The following TMEM135 variants were observed in gnomAD, a reference collection of about 807,000 sequenced individuals.
TMEM135 encodes peroxisomal membrane protein 52.
Under a neutral mutation model 60.3 loss-of-function variants are expected in TMEM135, and 30 were observed. That is an observed-to-expected ratio of 0.50 (90% CI 0.37 to 0.68). The LOEUF (loss-of-function observed/expected upper bound fraction) is 0.68, where lower values mean the gene tolerates loss of function less well. TMEM135 is among the 30% of genes least tolerant of loss of function. The pLI is 0.00. For missense variants in TMEM135, 468 were observed against 548.8 expected (o/e 0.85, Z 1.47); for synonymous variants, 190 against 186.7 (o/e 1.02, Z -0.14).
intron 3 of TMEM135, among the ~76,000 whole-genome samples, chr11:87,091,017 T>C (rs1231527619): frequency 6.6e-6 from 1 of 152,074 alleles, no homozygotes; most frequent in Non-Finnish European, 1.5e-5. Flanking sequence ...GAATTCTTTA[T>C]TACAAAATTT....
chr11:87,096,645 T>C (rs1250979363), intron 4 of TMEM135: 1 of 152,260 alleles, frequency 6.6e-6, no homozygotes, highest in Non-Finnish European at 1.5e-5. Flanking sequence ...AAAAATTTTC[T>C]GTAGTACAGT....
At chr11:87,053,773 G>A (rs1016556404) in intron 1 of TMEM135, among the ~76,000 whole-genome samples, 1 of 152,196 alleles carries the variant, frequency 6.6e-6, no homozygotes, top group Admixed American at 6.5e-5. Context: ...ACATAATATA[G>A]TACTGTATTA....
intron 2 of TMEM135, among the ~76,000 whole-genome samples, chr11:87,068,991 T>C (rs1856720774): frequency 6.6e-6 from 1 of 151,752 alleles, no homozygotes; most frequent in Admixed American, 6.6e-5. Context: ...GAACTCTCTT[T>C]ATCATGTGCT....
At chr11:87,140,411 C>T (rs545308848) in intron 4 of TMEM135, among the ~76,000 whole-genome samples, 4 of 152,150 alleles carry the variant, frequency 2.6e-5, no homozygotes, top group Non-Finnish European at 5.9e-5. Context: ...CATGGGCAAA[C>T]AATTTGACTG....
At chr11:87,308,910 A>G (rs556799007) in intron 9 of TMEM135, among the ~76,000 whole-genome samples, 1 of 152,332 alleles carries the variant, frequency 6.6e-6, no homozygotes, top group South Asian at 2.1e-4. Context: ...TATACTTTAA[A>G]GCTACTCCTC....
At chr11:87,278,621 G>A (rs1472175186) in intron 6 of TMEM135, among the ~76,000 whole-genome samples, 3 of 152,066 alleles carry the variant, frequency 2.0e-5, no homozygotes, top group Admixed American at 1.3e-4. Flanking sequence ...TGATCTGCCC[G>A]ATTCGGTCTC....
chr11:87,214,317 T>C (rs1169958656), intron 5 of TMEM135, among the ~76,000 whole-genome samples: 2 of 152,186 alleles, frequency 1.3e-5, no homozygotes, highest in Non-Finnish European at 2.9e-5. Flanking sequence ...ACCTTGCCAG[T>C]GCAAAGCAGC....
chr11:87,214,252 A>T (rs1940447545), intron 5 of TMEM135, among the ~76,000 whole-genome samples: 1 of 152,208 alleles, frequency 6.6e-6, no homozygotes, highest in Non-Finnish European at 1.5e-5. Context: ...TGAATGCTCA[A>T]GGTAATGTAA....
intron 6 of TMEM135, among the ~76,000 whole-genome samples, chr11:87,269,026 A>G (rs1273392408): frequency 6.6e-6 from 1 of 151,308 alleles, no homozygotes. Flanking sequence ...TTGTAGAGGT[A>G]GGATTATAGA....
intron 5 of TMEM135, among the ~76,000 whole-genome samples, chr11:87,189,758 G>GAAAAAAAACAAAAAAAAAA (rs1939752050): frequency 8.7e-6 from 1 of 115,562 alleles, no homozygotes; most frequent in Non-Finnish European, 1.8e-5. Context: ...CGTCTCCACA[G>GAAAAAAAACAAAAAAAAAA]AAAAAAAAAA....
rs1400669321 is a variant in TMEM135 at position 87,324,301 on chromosome 11, G to C, written c.*2968G>C. 3 of 454,018 alleles carry C rather than the reference G, an allele frequency of 6.6e-6. No individual in the cohort carries two copies. In the East Asian group the frequency reaches 2.1e-4, roughly 32 times the overall value. The allele number at this position is 454,018 out of a possible 1,614,324, so 28.1% of individuals were successfully genotyped here. On this transcript the variant is annotated 3_prime_UTR_variant, in exon 15 of 15. Transcript: ENST00000305494. The stretch of plus-strand genomic sequence containing the variant: ...TTGCCTGTGTCACAACCTCTCCCTT[G>C]GTGCTAATTAGGAAGCTTCTTGTGG...
chr11:87,162,864 A>ACATCCTCTCCAG (rs1489269641), intron 5 of TMEM135, among the ~76,000 whole-genome samples: 1 of 152,020 alleles, frequency 6.6e-6, no homozygotes, highest in Non-Finnish European at 1.5e-5. Context: ...CTATTTCTCC[A>ACATCCTCTCCAG]CATCCTCTCC....
intron 3 of TMEM135, among the ~76,000 whole-genome samples, chr11:87,080,569 CT>C (rs553452680): frequency 2.0e-5 from 3 of 151,628 alleles, no homozygotes; most frequent in Non-Finnish European, 2.9e-5. Context: ...GGTACATGCA[CT>C]TTTTTTTTGT....
rs767584139 is a variant in TMEM135 at position 87,324,052 on chromosome 11, T to C, written c.*2719T>C. The C allele has an allele frequency of 1.5e-5, 7 of 454,120 alleles. No individual in the cohort carries two copies. Among genetic ancestry groups the C allele is most frequent in the African/African-American group, 1.2e-4 (6 of 50,134 alleles). 28.1% of individuals were successfully genotyped at this position (454,120 alleles called of 1,614,324 possible). A position where few individuals can be genotyped will look rare whatever the true frequency, so the allele number is the denominator to read the frequency against. Reference sequence around the variant, plus strand: ...ACTTTTATTAGACTGAACATGTATGTTTTTGATGGAATCCAAACTGAGCAA... The same window carrying C: ...ACTTTTATTAGACTGAACATGTATGCTTTTGATGGAATCCAAACTGAGCAA... On this transcript the variant is annotated 3_prime_UTR_variant, in exon 15 of 15. Coordinates refer to ENST00000305494, the MANE Select transcript of TMEM135 (RefSeq NM_022918.4).
At chr11:87,141,426 T>C (rs532111085) in intron 4 of TMEM135, among the ~76,000 whole-genome samples, 55 of 152,296 alleles carry the variant, frequency 3.6e-4, no homozygotes, top group Non-Finnish European at 7.1e-4. Flanking sequence ...ATTGAATACG[T>C]ACATTGTTTT....
At chr11:87,087,290 C>A (rs199946119) in intron 3 of TMEM135, among the ~76,000 whole-genome samples, 4,344 of 133,420 alleles carry the variant, frequency 0.033, 63 homozygotes, top group African/African-American at 0.037. Flanking sequence ...GTCTTATTTT[C>A]AAAAAAAAAA....
chr11:87,280,078 A>G (rs1336920290), intron 6 of TMEM135, among the ~76,000 whole-genome samples: 1 of 152,222 alleles, frequency 6.6e-6, no homozygotes, highest in Non-Finnish European at 1.5e-5. Flanking sequence ...TAATTTGTTA[A>G]TCTATCAAAA....
At chr11:87,103,484 T>TG (rs964123323) in intron 4 of TMEM135, among the ~76,000 whole-genome samples, 17 of 122,228 alleles carry the variant, frequency 1.4e-4, no homozygotes, top group African/African-American at 6.1e-4. Context: ...TTTTTTTGTT[T>TG]TTTTTTTTTG....
chr11:87,307,049 A>G (rs994468909), intron 9 of TMEM135, among the ~76,000 whole-genome samples: 10 of 152,102 alleles, frequency 6.6e-5, no homozygotes, highest in Non-Finnish European at 8.8e-5. Context: ...GTGCTCTAAC[A>G]GTTCCAATGC....
Sources: allele counts gnomAD v4.1 joint callset (sites outside exome capture counted in the v4.1 genomes callset), GRCh38; gene constraint gnomAD v4.1.1; transcripts MANE v1.5; gene names NCBI Gene and HGNC (gene_info 2026-07-23, HGNC 2026-07-21).